ATP1A1: variants seen among roughly 807,000 people sequenced by gnomAD.
ATP1A1 encodes the protein ATPase Na+/K+ transporting subunit alpha 1.
A neutral mutation model predicts 114.8 loss-of-function variants in ATP1A1; 14 were observed. The ratio of observed to expected loss-of-function variants is 0.12; its 90% CI spans 0.08 to 0.19. ATP1A1 has a LOEUF of 0.19. Among genes scored for constraint, ATP1A1 ranks in the 10% least tolerant of loss-of-function variants. The probability of loss-of-function intolerance (pLI) is 1.00; values close to 1 mark genes in which losing one functional copy is unlikely to be tolerated. For synonymous variants in ATP1A1, 471 were observed against 466.3 expected (o/e 1.01, Z -0.13); for missense variants, 524 against 1,290.7 (o/e 0.41, Z 9.10).
In ATP1A1 at chr1:116,399,358, G is replaced by A; in HGVS notation, c.2449-62G>A. On this transcript the variant is annotated intron_variant, in intron 17 of 22. Coordinates refer to ENST00000295598, the MANE Select transcript of ATP1A1 (RefSeq NM_000701.8). This position sits in a 1 kb window ranked among gnomAD's most constrained non-coding sequence, Gnocchi z 5.0. ...GGAGGGCAAGAATTTTATAACAAAA[G>A]GTTCACAATATTAGCTTCCTTATTT... The A allele has an allele frequency of 6.4e-7, 1 of 1,556,524 alleles. No homozygotes were observed. Among genetic ancestry groups the A allele is most frequent in the Non-Finnish European group, 8.7e-7 (1 of 1,152,014 alleles).
chr1:116,386,126 C>CAAAAAAAAAAAAAA (rs59480092), intron 3 of ATP1A1: 2 of 36,122 alleles, frequency 5.5e-5, no homozygotes, highest in African/African-American at 8.6e-5. Flanking sequence ...AACTCCATCT[C>CAAAAAAAAAAAAAA]AAAAAAAAAA....
chr1:116,399,792 C>G lies in ATP1A1; in HGVS notation c.2572+249C>G, dbSNP rs1368323973. ...ATACTGAGCACCTTGGAACTGGGCT[C>G]AACTCTGCCTGAGAAATGAGGATGT... On this transcript the variant is annotated intron_variant, in intron 18 of 22. Transcript: ENST00000295598. This position sits in a 1 kb window ranked among gnomAD's most constrained non-coding sequence, Gnocchi z 5.0. Among the ~76,000 whole-genome samples, 1 of 152,200 alleles carries G rather than the reference C, an allele frequency of 6.6e-6. No homozygotes were observed. The highest frequency in any genetic ancestry group is 1.5e-5 in the Non-Finnish European group (1 of 68,034).
rs1172937322 is a variant in ATP1A1 at position 116,399,684 on chromosome 1, G to A, written c.2572+141G>A. 2.5e-6 allele frequency: 3 copies of A among 1,214,346 alleles called. No homozygotes were observed. Among genetic ancestry groups the A allele is most frequent in the East Asian group, 5.0e-5 (2 of 39,826 alleles). The allele number at this position is 1,214,346 out of a possible 1,614,324, so 75.2% of individuals were successfully genotyped here. ...GGATGAGCCCTAACGGAGTGAGCCT[G>A]TGGAGTTTCTCTGAACTCTCTTCCA... On this transcript the variant is annotated intron_variant, in intron 18 of 22. Coordinates refer to ENST00000295598, the MANE Select transcript of ATP1A1 (RefSeq NM_000701.8). This position sits in a 1 kb window ranked among gnomAD's most constrained non-coding sequence, Gnocchi z 5.0.
intron 3 of ATP1A1, chr1:116,386,244 T>G (rs1652083004): frequency 6.7e-6 from 1 of 149,438 alleles, no homozygotes. Context: ...CAGAACAACA[T>G]GCCAACAGTG....
Position 116,384,988 on chromosome 1 carries a change from A to G in ATP1A1, c.183+146A>G. 1 of 751,858 alleles carries G rather than the reference A, an allele frequency of 1.3e-6. No homozygotes were observed. Among genetic ancestry groups the G allele is most frequent in the Non-Finnish European group, 2.2e-6 (1 of 451,054 alleles). The allele number at this position is 751,858 out of a possible 1,614,324, so 46.6% of individuals were successfully genotyped here. Reference sequence around the variant, plus strand: ...GTATCTACCATGTGACATGCACAGAATTTGGGCATTTATATGCTACCGTTT... The same window carrying G: ...GTATCTACCATGTGACATGCACAGAGTTTGGGCATTTATATGCTACCGTTT... On this transcript the variant is annotated intron_variant, in intron 3 of 22. Coordinates refer to ENST00000295598, the MANE Select transcript of ATP1A1 (RefSeq NM_000701.8). The surrounding 1 kb of genome is among the most constrained non-coding windows in gnomAD (Gnocchi z 5.1).
Position 116,403,993 on chromosome 1 carries a change from G to C in ATP1A1, c.3043+18G>C, listed in dbSNP as rs1218716628. On this transcript the variant is annotated intron_variant, in intron 22 of 22. Coordinates refer to ENST00000295598, the MANE Select transcript of ATP1A1 (RefSeq NM_000701.8). Reference sequence around the variant, plus strand: ...CCCTGGCGGTAATTATGGGCATTCTGACTTTGGTTGGAGGAGGAGTGGGAG... The same window carrying C: ...CCCTGGCGGTAATTATGGGCATTCTCACTTTGGTTGGAGGAGGAGTGGGAG... 3.7e-6 allele frequency: 6 copies of C among 1,610,354 alleles called. No homozygotes were observed. The highest frequency in any genetic ancestry group is 1.7e-5 in the Admixed American group (1 of 59,840).
intron 1 of ATP1A1, among the ~76,000 whole-genome samples, chr1:116,374,942 G>A (rs1651261950): frequency 6.6e-6 from 1 of 152,128 alleles, no homozygotes. Context: ...AACTCGCCTC[G>A]CTTTTAAAAG....
intron 1 of ATP1A1, among the ~76,000 whole-genome samples, chr1:116,379,097 T>C (rs1173979118): frequency 2.6e-5 from 4 of 152,152 alleles, no homozygotes; most frequent in Non-Finnish European, 5.9e-5. Context: ...CTACTGCAGG[T>C]AGGGTAGGCT....
chr1:116,386,374 G>A (rs1029580963), intron 3 of ATP1A1, among the ~76,000 whole-genome samples: 18 of 151,970 alleles, frequency 1.2e-4, no homozygotes, highest in African/African-American at 4.4e-4. Context: ...AATGCTGCGG[G>A]TCTATTTCTT....
In ATP1A1 at chr1:116,401,661, T is replaced by G; in HGVS notation, c.2951+6T>G. On this transcript the variant is annotated splice_donor_region_variant and intron_variant, in intron 21 of 22. Coordinates refer to ENST00000295598, the MANE Select transcript of ATP1A1 (RefSeq NM_000701.8). This position sits in a 1 kb window ranked among gnomAD's most constrained non-coding sequence, Gnocchi z 4.7. Reference sequence around the variant, plus strand: ...CTTAGGATGTATCCCCTCAAGTAAGTTGATCCTCTGGTAGCTCCAAAAAGT... The same window carrying G: ...CTTAGGATGTATCCCCTCAAGTAAGGTGATCCTCTGGTAGCTCCAAAAAGT... 6.2e-7 allele frequency: 1 copy of G among 1,612,632 alleles called. No homozygotes were observed. Among genetic ancestry groups the G allele is most frequent in the East Asian group, 2.2e-5 (1 of 44,872 alleles).
intron 1 of ATP1A1, chr1:116,383,498 G>A: frequency 2.4e-6 from 1 of 424,108 alleles, no homozygotes; most frequent in Non-Finnish European, 3.2e-6. Flanking sequence ...TCTCCACGCT[G>A]TGGAAGAGGA....
At position 116,381,777 on chromosome 1, in the gene ATP1A1, C is replaced by T. The variant is rs1269636272; in HGVS notation, c.13-2237C>T. 6.6e-6 allele frequency among the ~76,000 whole-genome samples: 1 copy of T among 152,164 alleles called. No homozygotes were observed. Among genetic ancestry groups the T allele is most frequent in the African/African-American group, 2.4e-5 (1 of 41,426 alleles). On this transcript the variant is annotated intron_variant, in intron 1 of 22. Transcript: ENST00000295598. This position sits in a 1 kb window ranked among gnomAD's most constrained non-coding sequence, Gnocchi z 5.1. ...AAGATATTGGAAGTCTGAGAATAAG[C>T]AAAGCATGCAGATTATGAAGCTGAG... is the stretch of plus-strand genomic sequence containing the variant.
At chr1:116,382,383 T>A (rs575516943) in intron 1 of ATP1A1, 1 of 152,320 alleles carries the variant, frequency 6.6e-6, no homozygotes, top group South Asian at 2.1e-4. Flanking sequence ...CTTGTATGTG[T>A]TACTATTTTT....
intron 13 of ATP1A1, 62 bp from the exon 14 acceptor site, chr1:116,396,536 T>C: frequency 6.3e-7 from 1 of 1,589,938 alleles, no homozygotes; most frequent in Non-Finnish European, 8.6e-7. Flanking sequence ...GCCTACTGGA[T>C]ATAAGACTTT....
intron 3 of ATP1A1, chr1:116,386,224 C>T (rs905389279): frequency 2.6e-5 from 4 of 151,210 alleles, no homozygotes; most frequent in African/African-American, 4.9e-5. Flanking sequence ...GAGGAGGCCT[C>T]GAGTCAGCTC....
rs1238542839 is a variant in ATP1A1, at chr1:116,395,364, C to T, written c.1836+79C>T. 1.4e-6 allele frequency: 2 copies of T among 1,475,172 alleles called. No homozygotes were observed. Among genetic ancestry groups the T allele is most frequent in the Non-Finnish European group, 1.8e-6 (2 of 1,089,150 alleles). The allele number at this position is 1,475,172 out of a possible 1,614,324, so 91.4% of individuals were successfully genotyped here. On this transcript the variant is annotated intron_variant, in intron 13 of 22. Transcript: ENST00000295598. This position sits in a 1 kb window ranked among gnomAD's most constrained non-coding sequence, Gnocchi z 6.4. ...CTCAGTGAATGTTGCCTTTTGAGGTCCAGATGGCCAGCTGTTCTATCTCAC... is the reference window on the plus strand; with the variant it reads ...CTCAGTGAATGTTGCCTTTTGAGGTTCAGATGGCCAGCTGTTCTATCTCAC...
chr1:116,375,447 A>G (rs1036226745), intron 1 of ATP1A1, among the ~76,000 whole-genome samples: 5 of 152,258 alleles, frequency 3.3e-5, no homozygotes, highest in Admixed American at 2.0e-4. Context: ...TTATAACCAC[A>G]CACAGGCACA....
In ATP1A1 at chr1:116,400,887, TTTA is replaced by T; in HGVS notation, c.2600_2602del (p.Phe867_Thr868delinsSer). The T allele has an allele frequency of 6.2e-7, 1 of 1,614,258 alleles. No homozygotes were observed. The highest frequency in any genetic ancestry group is 8.5e-7 in the Non-Finnish European group (1 of 1,180,050). ...AATGATCCAGGCCCTGGGAGGCTTC[TTTA>T]CTTACTTTGTGATTCTGGCTGAGAA... is the stretch of plus-strand genomic sequence containing the variant. On this transcript the variant is annotated inframe_deletion, in exon 19 of 23. Transcript: ENST00000295598.
chr1:116,391,046 C>T lies in ATP1A1; in HGVS notation c.1332+155C>T, dbSNP rs971176418. Among the ~76,000 whole-genome samples the T allele has an allele frequency of 2.7e-4, 41 of 152,288 alleles. 1 individual carries two copies. Among genetic ancestry groups the T allele is most frequent in the Middle Eastern group, 3.4e-3 (1 of 294 alleles). ...GCAGTACTTTGCTGTGTGTAACTTA[C>T]ATTGTGTTGCCTGTAGATCCTGATG... is the stretch of plus-strand genomic sequence containing the variant. On this transcript the variant is annotated intron_variant, in intron 10 of 22. Transcript: ENST00000295598.
Sources: allele counts gnomAD v4.1 joint callset (sites outside exome capture counted in the v4.1 genomes callset), GRCh38; gene constraint gnomAD v4.1.1; non-coding constraint Gnocchi (gnomAD v3.1); transcripts MANE v1.5; gene names NCBI Gene and HGNC (gene_info 2026-07-23, HGNC 2026-07-21).